Variants in NXPE2 observed in about 807,000 individuals in gnomAD.
NXPE2 encodes the protein NXPE family member 2.
Under a neutral mutation model 34.4 loss-of-function variants are expected in NXPE2, and 34 were observed. The observed-to-expected ratio is 0.99, with a 90% CI of 0.75 to 1.31. NXPE2 has a LOEUF of 1.31. Among genes scored for constraint, NXPE2 ranks in the 40% most tolerant of loss-of-function variants. The probability of loss-of-function intolerance (pLI) is 0.00; values close to 1 mark genes in which losing one functional copy is unlikely to be tolerated. For synonymous variants in NXPE2, 235 were observed against 231.3 expected (o/e 1.02, Z -0.15); for missense variants, 649 against 672.5 (o/e 0.97, Z 0.39).
chr11:114,806,486 C>A, the NXPE2 span, among the ~76,000 whole-genome samples: 1 of 152,072 alleles, frequency 6.6e-6, no homozygotes, highest in Non-Finnish European at 1.5e-5. Context: ...ATAATCAATG[C>A]AGAGAAGTCC....
chr11:114,683,788 G>A (rs1433981535), intron 2 of NXPE2, among the ~76,000 whole-genome samples: 1 of 152,168 alleles, frequency 6.6e-6, no homozygotes, highest in Admixed American at 6.6e-5. Flanking sequence ...AATAAAGAAA[G>A]ACTGTTCAGT....
At chr11:114,697,478 A>C (rs140031076) in intron 2 of NXPE2, among the ~76,000 whole-genome samples, 42 of 152,324 alleles carry the variant, frequency 2.8e-4, no homozygotes, top group African/African-American at 1.0e-3. Context: ...TGAGTGAATA[A>C]ATTTATGTTC....
the NXPE2 span, among the ~76,000 whole-genome samples, chr11:114,580,790 C>A: frequency 2.0e-5 from 3 of 152,098 alleles, no homozygotes; most frequent in Non-Finnish European, 4.4e-5. Context: ...ATATTAACAA[C>A]TAGTTTGGCT....
At chr11:114,652,133 A>G in the NXPE2 span, among the ~76,000 whole-genome samples, 1 of 152,210 alleles carries the variant, frequency 6.6e-6, no homozygotes, top group Admixed American at 6.5e-5. Context: ...CACACTGGCC[A>G]ATGCACTCTA....
At chr11:114,563,121 G>A in the NXPE2 span, among the ~76,000 whole-genome samples, 6 of 152,092 alleles carry the variant, frequency 3.9e-5, no homozygotes, top group Admixed American at 2.0e-4. Flanking sequence ...TCAGTAGCAT[G>A]CTATAAAGTG....
the NXPE2 span, among the ~76,000 whole-genome samples, chr11:114,593,165 G>T: frequency 6.6e-6 from 1 of 152,018 alleles, no homozygotes; most frequent in Non-Finnish European, 1.5e-5. Context: ...GAAAAGCAAA[G>T]ATAGACAAAT....
chr11:114,578,005 A>G, the NXPE2 span, among the ~76,000 whole-genome samples: 1 of 152,316 alleles, frequency 6.6e-6, no homozygotes, highest in East Asian at 1.9e-4. Flanking sequence ...TTTAATTGAC[A>G]CATGAATAGA....
chr11:114,786,748 T>G, the NXPE2 span, among the ~76,000 whole-genome samples: 3 of 152,070 alleles, frequency 2.0e-5, no homozygotes, highest in Non-Finnish European at 4.4e-5. Context: ...AGTCTGCCCT[T>G]CAACCCACAC....
the NXPE2 span, among the ~76,000 whole-genome samples, chr11:114,670,482 C>T: frequency 1.1e-4 from 16 of 151,956 alleles, no homozygotes; most frequent in Non-Finnish European, 2.4e-4. Flanking sequence ...TCCCTTGAGG[C>T]TAGGAGTTGG....
the NXPE2 span, chr11:114,583,768 T>C: frequency 8.5e-6 from 4 of 468,206 alleles, no homozygotes; most frequent in Admixed American, 2.4e-5. Flanking sequence ...GGGTGTTGTA[T>C]GTTGACGTTG....
chr11:114,775,554 T>A, the NXPE2 span, among the ~76,000 whole-genome samples: 3 of 152,036 alleles, frequency 2.0e-5, no homozygotes, highest in African/African-American at 7.2e-5. Flanking sequence ...TTCCACTGAG[T>A]TCTTGAGAAA....
chr11:114,601,762 T>A, the NXPE2 span, among the ~76,000 whole-genome samples: 1 of 70,768 alleles, frequency 1.4e-5, no homozygotes, highest in Admixed American at 2.6e-4. Flanking sequence ...AATATATATG[T>A]GATTATATAT....
At chr11:114,471,150 A>T in the NXPE2 span, among the ~76,000 whole-genome samples, 4 of 152,156 alleles carry the variant, frequency 2.6e-5, no homozygotes, top group Non-Finnish European at 5.9e-5. Context: ...AGTCCAATTT[A>T]TCATTTTTGT....
At chr11:114,590,410 A>T in the NXPE2 span, among the ~76,000 whole-genome samples, 1 of 152,104 alleles carries the variant, frequency 6.6e-6, no homozygotes, top group Non-Finnish European at 1.5e-5. Context: ...TCCTCAAGCA[A>T]CTGACAAGAT....
chr11:114,784,486 C>T, the NXPE2 span, among the ~76,000 whole-genome samples: 1 of 152,154 alleles, frequency 6.6e-6, no homozygotes, highest in South Asian at 2.1e-4. Context: ...AATGGAAATC[C>T]AGGGAGCAAT....
At chr11:114,586,433 C>T in the NXPE2 span, among the ~76,000 whole-genome samples, 1 of 152,200 alleles carries the variant, frequency 6.6e-6, no homozygotes, top group Non-Finnish European at 1.5e-5. Context: ...GCCTTCTGCT[C>T]TCCATTTAAA....
the NXPE2 span, among the ~76,000 whole-genome samples, chr11:114,591,888 T>G: frequency 6.6e-6 from 1 of 152,170 alleles, no homozygotes; most frequent in Non-Finnish European, 1.5e-5. Flanking sequence ...CCTAATTTTT[T>G]GAAAGTCCAT....
chr11:114,523,183 C>A, the NXPE2 span: 1 of 898,920 alleles, frequency 1.1e-6, no homozygotes, highest in Non-Finnish European at 1.8e-6. Context: ...CTCTCTTTCC[C>A]CCTTCCTGTA....
At chr11:114,675,764 G>A (rs1950852011), upstream of NXPE2, among the ~76,000 whole-genome samples, 1 of 151,840 alleles carries the variant, frequency 6.6e-6, no homozygotes, top group South Asian at 2.1e-4. Context: ...AAACTTACAT[G>A]GAACCACAAA....
Sources: gnomAD v4.1 joint callset for allele counts (sites outside exome capture counted in the v4.1 genomes callset) on GRCh38, gnomAD v4.1.1 for gene constraint, MANE v1.5 for transcripts, NCBI Gene and HGNC (gene_info 2026-07-23, HGNC 2026-07-21) for gene names.